The following MYO9B variants were observed in gnomAD, a reference collection of about 807,000 sequenced individuals.
MYO9B encodes myosin IXB, also known as unconventional myosin-IXb.
In MYO9B, 71 loss-of-function variants were observed where a neutral mutation model predicts 229.5. The ratio of observed to expected loss-of-function variants is 0.31; its 90% CI spans 0.26 to 0.38. The LOEUF is 0.38. Ranked by LOEUF, MYO9B falls within the 10% of genes least tolerant of loss-of-function variation. The pLI is 1.00. For missense variants in MYO9B, 2,255 were observed against 2,920.5 expected, an observed-to-expected ratio of 0.77 and a Z score of 5.25; for synonymous variants, 1,185 against 1,235.8, an observed-to-expected ratio of 0.96 and a Z score of 0.86.
Position 17,077,667 on chromosome 19 carries a change from G to A in MYO9B, c.-59+1793G>A, listed in dbSNP as rs1028097366. 7.2e-5 allele frequency among the ~76,000 whole-genome samples: 11 copies of A among 152,072 alleles called. 1 individual carries two copies. The highest frequency in any genetic ancestry group is 3.2e-3 in the Middle Eastern group (1 of 316). On this transcript the variant is annotated intron_variant, in intron 1 of 39. Transcript: ENST00000682292. Reference sequence around the variant, plus strand: ...AATGAATGAATTGACCTCCATCAGCGTTTTTCAACCTTGAAACCCAACTCT... The same window carrying A: ...AATGAATGAATTGACCTCCATCAGCATTTTTCAACCTTGAAACCCAACTCT...
intron 1 of MYO9B, chr19:17,099,320 T>C (rs1042435531): frequency 1.3e-5 from 2 of 150,754 alleles, no homozygotes; most frequent in African/African-American, 4.9e-5. Context: ...AGCTAAACAA[T>C]CTATATACGT....
intron 10 of MYO9B, among the ~76,000 whole-genome samples, chr19:17,163,881 C>T (rs940731707): frequency 5.3e-5 from 8 of 152,200 alleles, no homozygotes; most frequent in Non-Finnish European, 1.0e-4. Flanking sequence ...ATCCATCCTT[C>T]AGTAGACACT....
intron 1 of MYO9B, among the ~76,000 whole-genome samples, chr19:17,078,273 G>A (rs1260732519): frequency 3.9e-5 from 6 of 152,162 alleles, no homozygotes; most frequent in Admixed American, 1.3e-4. Context: ...AAGCTGGGCC[G>A]CGGTGGCTCA....
chr19:17,109,815 C>T (rs2057830088), intron 2 of MYO9B, among the ~76,000 whole-genome samples: 1 of 152,212 alleles, frequency 6.6e-6, no homozygotes, highest in African/African-American at 2.4e-5. Flanking sequence ...CATGGGATCA[C>T]CTCATCTCAA....
chr19:17,197,428 A>G lies in MYO9B; in HGVS notation c.4047-364A>G, dbSNP rs200361992. Among the ~76,000 whole-genome samples the G allele has an allele frequency of 7.3e-4, 35 of 48,042 alleles. No homozygotes were observed. The East Asian group carries it at 0.014, about 19-fold the overall frequency. 31.5% of individuals were successfully genotyped at this position (48,042 alleles called of 152,430 possible). On this transcript the variant is annotated intron_variant, in intron 22 of 39. Transcript: ENST00000682292. ...AGATGATAGATAGATAGATAGATAG[A>G]TAGATAGATAGATAGATAGATACAT... is the stretch of plus-strand genomic sequence containing the variant.
intron 2 of MYO9B, among the ~76,000 whole-genome samples, chr19:17,125,344 G>A (rs1426423805): frequency 7.3e-6 from 1 of 136,428 alleles, no homozygotes; most frequent in Non-Finnish European, 1.5e-5. Context: ...GGGGAAATAT[G>A]ATAAATTCTT....
intron 38 of MYO9B, among the ~76,000 whole-genome samples, chr19:17,211,090 T>C (rs2073223736): frequency 6.6e-6 from 1 of 150,932 alleles, no homozygotes; most frequent in South Asian, 2.1e-4. Flanking sequence ...TTCAAGCGAT[T>C]CTCTGCCTCA....
chr19:17,133,543 A>C (rs2072229490), intron 2 of MYO9B, among the ~76,000 whole-genome samples: 1 of 150,272 alleles, frequency 6.7e-6, no homozygotes, highest in South Asian at 2.1e-4. Flanking sequence ...TGCAGCCTCA[A>C]CTTCCTGGGC....
intron 11 of MYO9B, among the ~76,000 whole-genome samples, chr19:17,170,231 G>A (rs574826045): frequency 1.3e-3 from 205 of 152,106 alleles, no homozygotes; most frequent in African/African-American, 4.8e-3. Flanking sequence ...CCATCCATAT[G>A]GAACTAGGTC....
At chr19:17,198,132 G>C in intron 23 of MYO9B, 52 bp from the exon 24 acceptor site, 1 of 1,609,080 alleles carries the variant, frequency 6.2e-7, no homozygotes, top group Non-Finnish European at 8.5e-7. Context: ...TCCCCATCTA[G>C]CACAGGACTG....
rs763533495 is a variant in MYO9B, at chr19:17,172,660, C to T, written c.1936-99C>T. ...CTGCCATTTGCACTTAGGATGGGCCCCACCCCACCGTCAGCCCTTCCTGCG... is the reference window on the plus strand; with the variant it reads ...CTGCCATTTGCACTTAGGATGGGCCTCACCCCACCGTCAGCCCTTCCTGCG... On this transcript the variant is annotated intron_variant, in intron 12 of 39. Transcript: ENST00000682292. The surrounding 1 kb of genome is among the most constrained non-coding windows in gnomAD (Gnocchi z 8.2). 65 of 1,501,602 alleles carry T rather than the reference C, an allele frequency of 4.3e-5. No individual in the cohort carries two copies. The highest frequency in any genetic ancestry group is 1.7e-4 in the Middle Eastern group (1 of 5,816). 93.0% of individuals were successfully genotyped at this position (1,501,602 alleles called of 1,614,324 possible). A position where few individuals can be genotyped will look rare whatever the true frequency, so the allele number is the denominator to read the frequency against.
chr19:17,137,133 C>T (rs1157409158), intron 2 of MYO9B, among the ~76,000 whole-genome samples: 1 of 150,190 alleles, frequency 6.7e-6, no homozygotes, highest in Non-Finnish European at 1.5e-5. Flanking sequence ...GAGGCTGAGG[C>T]AGGAGAATTG....
chr19:17,119,628 GTTT>G (rs113107104), intron 2 of MYO9B, among the ~76,000 whole-genome samples: 2,600 of 152,114 alleles, frequency 0.017, 66 homozygotes, highest in African/African-American at 0.057. Context: ...GAGCTCAGGA[GTTT>G]TTTGTTTGTT....
intron 3 of MYO9B, among the ~76,000 whole-genome samples, chr19:17,149,056 C>T (rs1375850317): frequency 6.6e-6 from 1 of 152,042 alleles, no homozygotes; most frequent in East Asian, 1.9e-4. Context: ...CTCACTGCAG[C>T]CTTGAACTCC....
intron 1 of MYO9B, among the ~76,000 whole-genome samples, chr19:17,083,852 T>C (rs1308540007): frequency 1.3e-5 from 2 of 151,958 alleles, no homozygotes; most frequent in Admixed American, 1.3e-4. Context: ...AATTTCACCA[T>C]GTTGGCCAGG....
intron 2 of MYO9B, among the ~76,000 whole-genome samples, chr19:17,143,694 G>GT (rs2072370909): frequency 6.6e-6 from 1 of 151,894 alleles, no homozygotes; most frequent in African/African-American, 2.4e-5. Context: ...AGGCCGGGGC[G>GT]GGCAGATCAT....
At chr19:17,094,548 T>G (rs2057670391) in intron 1 of MYO9B, among the ~76,000 whole-genome samples, 2 of 152,186 alleles carry the variant, frequency 1.3e-5, no homozygotes, top group Non-Finnish European at 2.9e-5. Context: ...ATAGGTCAAT[T>G]TGCATTTTCT....
chr19:17,104,172 T>C (rs2057772123), intron 2 of MYO9B, among the ~76,000 whole-genome samples: 1 of 152,084 alleles, frequency 6.6e-6, no homozygotes, highest in Non-Finnish European at 1.5e-5. Flanking sequence ...TGAGGAGTGC[T>C]TCACAACGGG....
intron 14 of MYO9B, 71 bp from the exon 15 acceptor site, chr19:17,180,856 C>A: frequency 9.4e-7 from 1 of 1,063,656 alleles, no homozygotes; most frequent in Non-Finnish European, 1.4e-6. Flanking sequence ...CGCTGGGAAC[C>A]CCGAGGTGGC....
Sources: allele counts gnomAD v4.1 joint callset (sites outside exome capture counted in the v4.1 genomes callset), GRCh38; gene constraint gnomAD v4.1.1; non-coding constraint Gnocchi (gnomAD v3.1); transcripts MANE v1.5; gene names NCBI Gene and HGNC (gene_info 2026-07-23, HGNC 2026-07-21).